The following ZNF626 variants were observed in gnomAD, a reference collection of about 807,000 sequenced individuals.
ZNF626 encodes the protein CTC-513N18.7.
ZNF626 carries 4 observed loss-of-function variants against 11.7 expected under a neutral mutation model. The ratio of observed to expected loss-of-function variants is 0.34; its 90% confidence interval spans 0.17 to 0.78. The LOEUF is 0.78. Among genes scored for constraint, ZNF626 ranks in the 30% least tolerant of loss-of-function variants. The pLI is 0.57. For synonymous variants in ZNF626, 179 were observed against 198.6 expected (o/e 0.90, Z 0.83); for missense variants, 588 against 587.1 (o/e 1.00, Z -0.01).
At chr19:20,659,412 G>C (rs959078861) in intron 1 of ZNF626, among the ~76,000 whole-genome samples, 22 of 152,022 alleles carry the variant, frequency 1.4e-4, no homozygotes, top group African/African-American at 4.6e-4. Context: ...GCTAATTTTT[G>C]TATTTTTAGT....
intron 3 of ZNF626, among the ~76,000 whole-genome samples, chr19:20,637,231 G>A (rs1456698773): frequency 6.6e-6 from 1 of 152,128 alleles, no homozygotes; most frequent in African/African-American, 2.4e-5. Context: ...GCTCATGCCT[G>A]TAAGCCCAGT....
intron 1 of ZNF626, among the ~76,000 whole-genome samples, chr19:20,656,270 C>T (rs1555773117): frequency 6.6e-6 from 1 of 152,046 alleles, no homozygotes; most frequent in Non-Finnish European, 1.5e-5. Flanking sequence ...TTCATTACAC[C>T]ATATACAAAA....
chr19:20,646,481 G>A, intron 1 of ZNF626, 76 bp from the exon 2 acceptor site: 1 of 1,608,034 alleles, frequency 6.2e-7, no homozygotes, highest in South Asian at 1.1e-5. Flanking sequence ...GGTGAAATAA[G>A]AGAGTAAAGA....
chr19:20,634,785 T>C (rs1243101173), intron 3 of ZNF626, among the ~76,000 whole-genome samples: 1 of 152,236 alleles, frequency 6.6e-6, no homozygotes, highest in Admixed American at 6.5e-5. Context: ...ATATGGAATC[T>C]AAAGAGTTAA....
intron 1 of ZNF626, among the ~76,000 whole-genome samples, chr19:20,653,113 C>T (rs570145735): frequency 1.9e-4 from 29 of 152,266 alleles, no homozygotes; most frequent in Admixed American, 2.0e-4. Context: ...ATGGCATGCA[C>T]TTTTCTGCAC....
intron 3 of ZNF626, among the ~76,000 whole-genome samples, chr19:20,635,370 A>T (rs1464466265): frequency 6.6e-6 from 1 of 152,196 alleles, no homozygotes; most frequent in Non-Finnish European, 1.5e-5. Context: ...ACTCTCAGGC[A>T]AAACTGCAGT....
chr19:20,659,272 C>T (rs1326660173), intron 1 of ZNF626, among the ~76,000 whole-genome samples: 2 of 151,918 alleles, frequency 1.3e-5, no homozygotes, highest in Non-Finnish European at 2.9e-5. Flanking sequence ...TGGAGTCTCG[C>T]TCGGCCACCC....
intron 3 of ZNF626, among the ~76,000 whole-genome samples, chr19:20,625,936 G>A (rs975797080): frequency 1.3e-5 from 2 of 152,136 alleles, no homozygotes; most frequent in African/African-American, 4.8e-5. Context: ...AACACAGCTG[G>A]TTTTGCTCTC....
chr19:20,628,224 G>C (rs1392036194), intron 3 of ZNF626, among the ~76,000 whole-genome samples: 1 of 152,138 alleles, frequency 6.6e-6, no homozygotes, highest in Non-Finnish European at 1.5e-5. Flanking sequence ...ATTGTGAATA[G>C]TGCTGCAATA....
At chr19:20,634,581 G>A (rs532320181) in intron 3 of ZNF626, among the ~76,000 whole-genome samples, 12 of 151,310 alleles carry the variant, frequency 7.9e-5, no homozygotes, top group East Asian at 7.8e-4. Flanking sequence ...GGCTGGGTGC[G>A]GTGGCTCAGG....
At chr19:20,628,259 T>G (rs1420291925) in intron 3 of ZNF626, among the ~76,000 whole-genome samples, 1 of 152,220 alleles carries the variant, frequency 6.6e-6, no homozygotes, top group African/African-American at 2.4e-5. Context: ...TGTGTCTTTA[T>G]AGCAGCATGA....
intron 3 of ZNF626, among the ~76,000 whole-genome samples, chr19:20,631,619 TTTTTTG>T (rs1242840158): frequency 6.8e-6 from 1 of 148,078 alleles, no homozygotes; most frequent in Non-Finnish European, 1.5e-5. Context: ...CCCTGCCTTT[TTTTTTG>T]TTTTCCATTT....
chr19:20,629,988 A>G (rs1555770204), intron 3 of ZNF626, among the ~76,000 whole-genome samples: 1 of 152,140 alleles, frequency 6.6e-6, no homozygotes, highest in African/African-American at 2.4e-5. Context: ...TTTAGTATGA[A>G]GTGTTGTTGA....
rs1969791154 is a variant in ZNF626, at chr19:20,624,204, A to C, written c.*86T>G. The stretch of plus-strand genomic sequence containing the variant: ...ATCTGTAGGGTTTTTTTCCAGTATG[A>C]ATTTTCTTATGTGTAGTAAGGTTAG... On this transcript the variant is annotated 3_prime_UTR_variant, in exon 4 of 4. Coordinates refer to ENST00000601440, the MANE Select transcript of ZNF626 (RefSeq NM_001076675.3). 1 of 1,605,554 alleles carries C rather than the reference A, an allele frequency of 6.2e-7. No homozygotes were observed. Among genetic ancestry groups the C allele is most frequent in the African/African-American group, 1.3e-5 (1 of 74,698 alleles).
intron 3 of ZNF626, among the ~76,000 whole-genome samples, chr19:20,625,866 CA>C (rs1205139427): frequency 1.3e-5 from 2 of 152,082 alleles, no homozygotes; most frequent in Non-Finnish European, 2.9e-5. Context: ...TGAAGGGCCC[CA>C]GGTGAGCACA....
At chr19:20,649,260 A>C (rs1970119983) in intron 1 of ZNF626, among the ~76,000 whole-genome samples, 1 of 152,246 alleles carries the variant, frequency 6.6e-6, no homozygotes, top group African/African-American at 2.4e-5. Context: ...AGAAAAATAA[A>C]GACAGAAAAA....
intron 3 of ZNF626, among the ~76,000 whole-genome samples, chr19:20,637,018 CAA>C (rs74172354): frequency 3.4e-4 from 20 of 58,732 alleles, no homozygotes; most frequent in African/African-American, 9.1e-4. Context: ...GACTCCATCT[CAA>C]AAAAAAAAAA....
chr19:20,657,596 CAGGAGTTTAAG>C (rs1970218611), intron 1 of ZNF626, among the ~76,000 whole-genome samples: 1 of 151,980 alleles, frequency 6.6e-6, no homozygotes, highest in African/African-American at 2.4e-5. Flanking sequence ...CACCTGAGTT[CAGGAGTTTAAG>C]ACCAGCCTGA....
intron 1 of ZNF626, among the ~76,000 whole-genome samples, chr19:20,652,668 T>A (rs188578853): frequency 2.6e-4 from 39 of 152,290 alleles, no homozygotes; most frequent in African/African-American, 9.4e-4. Context: ...AAGACATAAT[T>A]GCACTTTTAT....
Sources: gnomAD v4.1 joint callset for allele counts (sites outside exome capture counted in the v4.1 genomes callset) on GRCh38, gnomAD v4.1.1 for gene constraint, MANE v1.5 for transcripts, NCBI Gene and HGNC (gene_info 2026-07-23, HGNC 2026-07-21) for gene names.